RYR2: variants seen among roughly 807,000 people sequenced by gnomAD.
RYR2 encodes ryanodine receptor 2.
In RYR2, 227 loss-of-function variants were observed where a neutral mutation model predicts 601.1. That is an observed-to-expected ratio of 0.38 (90% CI 0.34 to 0.42). RYR2 has a LOEUF of 0.42. Among genes scored for constraint, RYR2 ranks in the 10% least tolerant of loss-of-function variants. The pLI, the probability that RYR2 is intolerant of heterozygous loss-of-function variation, is 1.00. For synonymous variants in RYR2, 2,223 were observed against 2,175.1 expected (o/e 1.02, Z -0.61); for missense variants, 4,646 against 6,156.5 (o/e 0.75, Z 8.21).
At chr1:237,194,677 G>A (rs917061965) in intron 1 of RYR2, among the ~76,000 whole-genome samples, 2 of 152,200 alleles carry the variant, frequency 1.3e-5, no homozygotes, top group Non-Finnish European at 2.9e-5. Flanking sequence ...AGGGGAGAGC[G>A]AGTGAGCAGG....
intron 1 of RYR2, among the ~76,000 whole-genome samples, chr1:237,061,268 C>CCATCTATCATCTAT (rs796133446): frequency 9.0e-5 from 8 of 88,742 alleles, no homozygotes; most frequent in African/African-American, 2.1e-4. Context: ...ATCTATCTAT[C>CCATCTATCATCTAT]CATCTATCAT....
At chr1:237,739,927 C>G (rs1475111615) in intron 79 of RYR2, among the ~76,000 whole-genome samples, 5 of 152,166 alleles carry the variant, frequency 3.3e-5, no homozygotes, top group Non-Finnish European at 7.3e-5. Context: ...TTGTGGATAC[C>G]TGAATGATCT....
At position 237,660,054 on chromosome 1, in the gene RYR2, T is replaced by C. The variant is rs1683624692; in HGVS notation, c.8278T>C (p.Tyr2760His). The change falls in exon 55 of 105, where the codon TAT becomes CAT. Residue 2760 changes from tyrosine to histidine, a missense_variant. By Grantham distance (83) the Tyr-to-His change is moderately conservative (BLOSUM62 2). This residue lies in a region of RYR2 where 1,497 missense variants were observed against 1,842.6 expected (regional missense o/e 0.81). Coordinates refer to ENST00000366574, the MANE Select transcript of RYR2 (RefSeq NM_001035.3). Reference sequence around the variant, plus strand: ...TAAGGTTCAGCCATTAATGAAGCCATATAAGCTATTGTCTGAAAAGGTAAG... The same window carrying C: ...TAAGGTTCAGCCATTAATGAAGCCACATAAGCTATTGTCTGAAAAGGTAAG... ...SSKVQPLMKPYKLLSEKEKEI... is the reference protein window; with the variant it reads ...SSKVQPLMKPHKLLSEKEKEI... 6.4e-7 allele frequency: 1 copy of C among 1,572,310 alleles called. No homozygotes were observed. The highest frequency in any genetic ancestry group is 1.8e-5 in the Admixed American group (1 of 54,434).
At chr1:237,704,506 G>C (rs975453464) in intron 66 of RYR2, among the ~76,000 whole-genome samples, 3 of 151,878 alleles carry the variant, frequency 2.0e-5, no homozygotes, top group Non-Finnish European at 2.9e-5. Flanking sequence ...CATATAGCCT[G>C]AATTGTTAGT....
intron 11 of RYR2, among the ~76,000 whole-genome samples, chr1:237,419,022 G>T (rs1246905170): frequency 6.6e-6 from 1 of 151,876 alleles, no homozygotes; most frequent in Non-Finnish European, 1.5e-5. Context: ...TTTAAGGAAA[G>T]GGATTTTAAG....
intron 3 of RYR2, among the ~76,000 whole-genome samples, chr1:237,340,149 T>A: frequency 6.6e-6 from 1 of 152,202 alleles, no homozygotes; most frequent in East Asian, 1.9e-4. Flanking sequence ...GGACCCTCCA[T>A]GTTCTTGAGC....
chr1:237,248,619 T>A (rs1687143254), intron 1 of RYR2, among the ~76,000 whole-genome samples: 1 of 152,034 alleles, frequency 6.6e-6, no homozygotes, highest in Non-Finnish European at 1.5e-5. Context: ...TGTAAAACAA[T>A]GAAGGAAGGA....
At chr1:237,565,186 T>C (rs1052991798) in intron 27 of RYR2, among the ~76,000 whole-genome samples, 8 of 78,728 alleles carry the variant, frequency 1.0e-4, no homozygotes, top group East Asian at 1.6e-3. Flanking sequence ...TTTCTTTCTT[T>C]CTTTCTTTCT....
chr1:237,386,537 T>A (rs1042584838), intron 8 of RYR2, among the ~76,000 whole-genome samples: 3 of 152,212 alleles, frequency 2.0e-5, no homozygotes, highest in Admixed American at 1.3e-4. Flanking sequence ...CGAAAACAGG[T>A]GGTTGCTCTA....
chr1:237,355,998 A>T lies in RYR2; in HGVS notation c.294+13A>T. The T allele has an allele frequency of 1.2e-6, 2 of 1,605,586 alleles. No homozygotes were observed. The highest frequency in any genetic ancestry group is 1.7e-6 in the Non-Finnish European group (2 of 1,175,262). Reference sequence around the variant, plus strand: ...TGTGGAAAAATGGGTATGTGTTTCCATGTATTTGCAAAGAAATTGTGATCT... The same window carrying T: ...TGTGGAAAAATGGGTATGTGTTTCCTTGTATTTGCAAAGAAATTGTGATCT... On this transcript the variant is annotated intron_variant, in intron 4 of 104. Transcript: ENST00000366574.
intron 2 of RYR2, among the ~76,000 whole-genome samples, chr1:237,313,182 AT>A (rs1200586416): frequency 6.7e-6 from 1 of 150,004 alleles, no homozygotes; most frequent in African/African-American, 2.5e-5. Context: ...AATTTTATTA[AT>A]ATGCTCCTTT....
intron 25 of RYR2, among the ~76,000 whole-genome samples, chr1:237,540,423 T>C (rs924102065): frequency 4.6e-5 from 7 of 151,960 alleles, no homozygotes; most frequent in African/African-American, 1.7e-4. Flanking sequence ...AAAAGCCTAT[T>C]AGGGCTGAGC....
At chr1:237,079,608 A>G in intron 1 of RYR2, among the ~76,000 whole-genome samples, 1 of 35,954 alleles carries the variant, frequency 2.8e-5, no homozygotes, top group Non-Finnish European at 4.4e-5. Flanking sequence ...ACTACAAACC[A>G]CTGCTCAAGG....
intron 87 of RYR2, among the ~76,000 whole-genome samples, chr1:237,775,945 C>T (rs1455355767): frequency 1.3e-5 from 2 of 152,148 alleles, no homozygotes; most frequent in African/African-American, 4.8e-5. Context: ...AAAATGGGTA[C>T]TTTGGCTTTG....
chr1:237,094,976 T>C (rs1057424976), intron 1 of RYR2, among the ~76,000 whole-genome samples: 2 of 152,200 alleles, frequency 1.3e-5, no homozygotes, highest in Non-Finnish European at 2.9e-5. Flanking sequence ...CTAAACATAG[T>C]GTGTGATTTA....
chr1:237,164,266 C>G (rs1032279400), intron 1 of RYR2, among the ~76,000 whole-genome samples: 1 of 152,142 alleles, frequency 6.6e-6, no homozygotes, highest in African/African-American at 2.4e-5. Flanking sequence ...GAGTGAGACT[C>G]TGTTTCAAAA....
At chr1:237,054,590 A>C (rs988012939) in intron 1 of RYR2, among the ~76,000 whole-genome samples, 1 of 152,120 alleles carries the variant, frequency 6.6e-6, no homozygotes, top group South Asian at 2.1e-4. Flanking sequence ...ATTCTTCTCA[A>C]GCAAATTCAT....
Position 237,566,650 on chromosome 1 carries a change from C to T in RYR2, c.3298C>T (p.Arg1100Trp), listed in dbSNP as rs1411654663. ...AEKTYAVKAG[R>W]WYFEFETVTA... ...GAAGACCTATGCAGTGAAGGCCGGA[C>T]GGTGGTATTTTGAATTTGAGACGGT... Residue 1100 changes from arginine to tryptophan, a missense_variant, in exon 28 of 105, where the codon CGG becomes TGG. By Grantham distance (101) the Arg-to-Trp change is moderately radical. This residue lies in a region of RYR2 where 1,807 missense variants were observed against 2,088.1 expected (regional missense o/e 0.87). Coordinates refer to ENST00000366574, the MANE Select transcript of RYR2 (RefSeq NM_001035.3). 7 of 1,613,798 alleles carry T rather than the reference C, an allele frequency of 4.3e-6. No individual in the cohort carries two copies. Among genetic ancestry groups the T allele is most frequent in the Non-Finnish European group, 4.2e-6 (5 of 1,179,874 alleles).
chr1:237,162,495 C>T (rs768558056), intron 1 of RYR2, among the ~76,000 whole-genome samples: 3 of 151,938 alleles, frequency 2.0e-5, no homozygotes, highest in African/African-American at 4.8e-5. Context: ...CAATATTACT[C>T]AACAACAACA....
Sources: allele counts gnomAD v4.1 joint callset (sites outside exome capture counted in the v4.1 genomes callset), GRCh38; gene constraint gnomAD v4.1.1; regional missense constraint gnomAD v4.1.1; transcripts MANE v1.5; gene names NCBI Gene and HGNC (gene_info 2026-07-23, HGNC 2026-07-21).